TBX19: variants seen among roughly 807,000 people sequenced by gnomAD.
The protein encoded by TBX19 is T-box transcription factor 19.
TBX19 carries 33 observed loss-of-function variants against 40.9 expected under a neutral mutation model. The observed-to-expected ratio is 0.81, with a 90% CI of 0.61 to 1.08. The LOEUF is 1.08. Ranked by LOEUF, TBX19 falls within the 50% of genes least tolerant of loss-of-function variation. The pLI is 0.00. For synonymous variants in TBX19, 220 were observed against 225.0 expected (o/e 0.98, Z 0.20); for missense variants, 494 against 574.0 (o/e 0.86, Z 1.42).
At chr1:168,283,130 C>T (rs1307687291) in intron 1 of TBX19, among the ~76,000 whole-genome samples, 1 of 152,134 alleles carries the variant, frequency 6.6e-6, no homozygotes, top group Non-Finnish European at 1.5e-5. Flanking sequence ...GGTCCTTGAG[C>T]CCGGGATCAG....
intron 5 of TBX19, among the ~76,000 whole-genome samples, chr1:168,304,461 C>G (rs567238212): frequency 6.6e-6 from 1 of 152,236 alleles, no homozygotes; most frequent in Admixed American, 6.5e-5. Flanking sequence ...AAAGGCCTAT[C>G]TTAGGTTCTA....
Position 168,280,982 on chromosome 1 carries a change from C to G in TBX19, c.-109C>G. 9.6e-7 allele frequency: 1 copy of G among 1,045,548 alleles called. No homozygotes were observed. Among genetic ancestry groups the G allele is most frequent in the Non-Finnish European group, 1.5e-6 (1 of 688,042 alleles). 64.8% of individuals were successfully genotyped at this position (1,045,548 alleles called of 1,614,324 possible). A position where few individuals can be genotyped will look rare whatever the true frequency, so the allele number is the denominator to read the frequency against. ...CAAGAGCCAGGGTATCTTCTCTCCG[C>G]TCCCCAAGCACTGTTCAAGTGGGTT... On this transcript the variant is annotated 5_prime_UTR_variant, in exon 1 of 8. Coordinates refer to ENST00000367821, the MANE Select transcript of TBX19 (RefSeq NM_005149.3).
chr1:168,286,325 T>C (rs1648804433), intron 1 of TBX19, among the ~76,000 whole-genome samples: 1 of 152,228 alleles, frequency 6.6e-6, no homozygotes, highest in African/African-American at 2.4e-5. Flanking sequence ...GAGTTGTGCA[T>C]CCATCTCCAC....
At chr1:168,306,823 G>A (rs1019072075) in intron 6 of TBX19, among the ~76,000 whole-genome samples, 2 of 152,110 alleles carry the variant, frequency 1.3e-5, no homozygotes, top group African/African-American at 2.4e-5. Flanking sequence ...AAGCGCTCTA[G>A]AATTTGAGAA....
intron 5 of TBX19, among the ~76,000 whole-genome samples, chr1:168,304,728 A>T: frequency 6.6e-6 from 1 of 152,200 alleles, no homozygotes; most frequent in Admixed American, 6.5e-5. Flanking sequence ...GAGATTGGGT[A>T]GATCAGAAGT....
rs192215196 is a variant in TBX19 at position 168,283,390 on chromosome 1, C to T, written c.203+2097C>T. On this transcript the variant is annotated intron_variant, in intron 1 of 7. Coordinates refer to ENST00000367821, the MANE Select transcript of TBX19 (RefSeq NM_005149.3). ...GATTTTGCCAGGAGATAGAAAGTTT[C>T]CTTTATACTTTGATTAAAGAAGGGA... Among the ~76,000 whole-genome samples, 1,108 of 152,122 alleles carry T rather than the reference C, an allele frequency of 7.3e-3. 7 individuals carry two copies. The highest frequency in any genetic ancestry group is 0.011 in the Non-Finnish European group (762 of 67,992).
At chr1:168,292,838 T>C (rs1327119472) in intron 2 of TBX19, among the ~76,000 whole-genome samples, 1 of 122,062 alleles carries the variant, frequency 8.2e-6, no homozygotes, top group Non-Finnish European at 1.6e-5. Context: ...CACTCCAGCC[T>C]GGGTGACAGA....
At chr1:168,287,028 G>A (rs188510313) in intron 1 of TBX19, among the ~76,000 whole-genome samples, 9 of 152,276 alleles carry the variant, frequency 5.9e-5, no homozygotes, top group African/African-American at 2.2e-4. Flanking sequence ...GAAACATCAG[G>A]TACAGCTCTG....
chr1:168,296,112 C>T (rs1204768796), intron 3 of TBX19, among the ~76,000 whole-genome samples: 1 of 152,148 alleles, frequency 6.6e-6, no homozygotes, highest in Non-Finnish European at 1.5e-5. Flanking sequence ...CCCCGAGTGG[C>T]GAGTGGGCGT....
rs182948762 is a variant in TBX19, at chr1:168,306,898, C to A, written c.916+1702C>A. The stretch of plus-strand genomic sequence containing the variant: ...GAAGGAAAAAGAGCAGCTAGATATG[C>A]CTGGTGGAGGAGCAAAGGCTGCCCA... On this transcript the variant is annotated intron_variant, in intron 6 of 7. Transcript: ENST00000367821. Among the ~76,000 whole-genome samples the A allele has an allele frequency of 3.6e-3, 553 of 152,206 alleles. 3 individuals carry two copies. Among genetic ancestry groups the A allele is most frequent in the African/African-American group, 0.013 (528 of 41,528 alleles).
At chr1:168,292,863 CAAAAAAAAAAAAA>C (rs751123603) in intron 2 of TBX19, among the ~76,000 whole-genome samples, 2 of 32,878 alleles carry the variant, frequency 6.1e-5, no homozygotes, top group Non-Finnish European at 1.3e-4. Context: ...GACTCCGTCT[CAAAAAAAAAAAAA>C]AAAAAAAAAA....
At chr1:168,293,877 A>G (rs1254015383) in intron 3 of TBX19, among the ~76,000 whole-genome samples, 4 of 152,136 alleles carry the variant, frequency 2.6e-5, no homozygotes, top group Admixed American at 6.6e-5. Context: ...GAACCCAGGG[A>G]GGGTTGAATT....
intron 5 of TBX19, among the ~76,000 whole-genome samples, chr1:168,304,690 T>G (rs1215740489): frequency 2.0e-5 from 3 of 152,222 alleles, no homozygotes; most frequent in African/African-American, 7.2e-5. Flanking sequence ...AAAGCTAGCT[T>G]GGCAGCTTGA....
At chr1:168,300,324 A>G in intron 4 of TBX19, 98 bp from the exon 5 acceptor site, 2 of 1,118,218 alleles carry the variant, frequency 1.8e-6, no homozygotes, top group Non-Finnish European at 2.7e-6. Flanking sequence ...TCTTATTCTA[A>G]GAAATTGATT....
chr1:168,282,984 A>G (rs1648701297), intron 1 of TBX19, among the ~76,000 whole-genome samples: 1 of 152,238 alleles, frequency 6.6e-6, no homozygotes, highest in Non-Finnish European at 1.5e-5. Context: ...TACTTTTACC[A>G]TTTAAGAAAA....
At chr1:168,286,601 A>G (rs75222182) in intron 1 of TBX19, among the ~76,000 whole-genome samples, 15 of 152,390 alleles carry the variant, frequency 9.8e-5, no homozygotes, top group Middle Eastern at 6.8e-3. Flanking sequence ...TTGTATGGAT[A>G]TAACACATTT....
At chr1:168,289,841 C>T (rs1648895872) in intron 1 of TBX19, among the ~76,000 whole-genome samples, 1 of 152,182 alleles carries the variant, frequency 6.6e-6, no homozygotes, top group African/African-American at 2.4e-5. Flanking sequence ...ATCAACTCTG[C>T]CTCTCTCCTG....
chr1:168,312,558 C>T (rs1572485669), intron 7 of TBX19, 150 bp from the exon 8 acceptor site: 1 of 854,472 alleles, frequency 1.2e-6, no homozygotes, highest in Non-Finnish European at 1.9e-6. Flanking sequence ...AGAAACAGGA[C>T]CAATCTGCGT....
In TBX19 at chr1:168,313,118, G is replaced by A; in HGVS notation, c.*116G>A. The A allele has an allele frequency of 7.7e-7, 1 of 1,293,612 alleles. No homozygotes were observed. The highest frequency in any genetic ancestry group is 1.1e-6 in the Non-Finnish European group (1 of 910,080). The allele number at this position is 1,293,612 out of a possible 1,614,324, so 80.1% of individuals were successfully genotyped here. ...GAATCTCCCTTCCCACTAGCTGGAG[G>A]TGGAGGTGGGTTATTACAGAAGTCA... On this transcript the variant is annotated 3_prime_UTR_variant, in exon 8 of 8. Coordinates refer to ENST00000367821, the MANE Select transcript of TBX19 (RefSeq NM_005149.3).
Sources: gnomAD v4.1 joint callset for allele counts (sites outside exome capture counted in the v4.1 genomes callset) on GRCh38, gnomAD v4.1.1 for gene constraint, MANE v1.5 for transcripts, NCBI Gene and HGNC (gene_info 2026-07-23, HGNC 2026-07-21) for gene names.